DPP6: variants seen among roughly 807,000 people sequenced by gnomAD.
The protein encoded by DPP6 is dipeptidyl peptidase like 6, also known as A-type potassium channel modulatory protein DPP6.
Under a neutral mutation model 122.6 loss-of-function variants are expected in DPP6, and 69 were observed. That is an observed-to-expected ratio of 0.56 (90% CI 0.46 to 0.69). DPP6 has a LOEUF of 0.69. DPP6 is among the 30% of genes least tolerant of loss of function. The probability of loss-of-function intolerance (pLI) is 0.00; values close to 1 mark genes in which losing one functional copy is unlikely to be tolerated. For missense variants in DPP6, 928 were observed against 1,116.9 expected (o/e 0.83, Z 2.41); for synonymous variants, 418 against 433.1 (o/e 0.97, Z 0.43).
the DPP6 span, among the ~76,000 whole-genome samples, chr7:153,813,487 C>T: frequency 1.3e-5 from 2 of 152,086 alleles, no homozygotes; most frequent in African/African-American, 4.8e-5. Context: ...AATAAACATA[C>T]GTGTGCATGT....
At chr7:154,332,790 A>C (rs548710694) in intron 1 of DPP6, among the ~76,000 whole-genome samples, 2 of 152,048 alleles carry the variant, frequency 1.3e-5, no homozygotes, top group Non-Finnish European at 2.9e-5. Flanking sequence ...TCTAGGAATA[A>C]TTTTTCTGCG....
chr7:154,229,683 C>A (rs1800805540), intron 1 of DPP6, among the ~76,000 whole-genome samples: 1 of 152,096 alleles, frequency 6.6e-6, no homozygotes, highest in African/African-American at 2.4e-5. Context: ...TATAAAGCAT[C>A]AATTATTACA....
intron 1 of DPP6, chr7:154,305,489 C>CA (rs1484296696): frequency 1.2e-6 from 2 of 1,600,428 alleles, no homozygotes; most frequent in East Asian, 4.5e-5. Context: ...AGCGCCTGGA[C>CA]AGACCATGAC....
At chr7:154,251,985 A>G (rs1802376526) in intron 1 of DPP6, among the ~76,000 whole-genome samples, 1 of 152,224 alleles carries the variant, frequency 6.6e-6, no homozygotes, top group South Asian at 2.1e-4. Flanking sequence ...TCATTTACAG[A>G]TGGAAATAGT....
At chr7:154,843,240 T>C (rs2150555911) in intron 16 of DPP6, among the ~76,000 whole-genome samples, 1 of 152,330 alleles carries the variant, frequency 6.6e-6, no homozygotes, top group East Asian at 1.9e-4. Context: ...AAGTAGAGGT[T>C]GCAGTGAGCC....
intron 1 of DPP6, among the ~76,000 whole-genome samples, chr7:154,364,105 C>T (rs1034869170): frequency 4.0e-4 from 61 of 152,058 alleles, no homozygotes; most frequent in African/African-American, 1.4e-3. Context: ...TGAAGACCCA[C>T]CATTAAATAT....
intron 1 of DPP6, among the ~76,000 whole-genome samples, chr7:153,888,705 CTTTTTT>C (rs142238331): frequency 7.8e-5 from 6 of 76,982 alleles, no homozygotes; most frequent in South Asian, 9.2e-4. Context: ...CTGGCTGGCA[CTTTTTT>C]TTTTTTTTTT....
the DPP6 span, among the ~76,000 whole-genome samples, chr7:153,799,517 A>G: frequency 6.6e-6 from 1 of 152,138 alleles, no homozygotes; most frequent in African/African-American, 2.4e-5. Context: ...CACCGCCTCC[A>G]TGTACACACC....
chr7:154,694,237 C>T (rs557694654), intron 7 of DPP6, among the ~76,000 whole-genome samples: 1 of 152,284 alleles, frequency 6.6e-6, no homozygotes, highest in Non-Finnish European at 1.5e-5. Context: ...GACCTCACTT[C>T]CTAATACCAT....
chr7:154,769,192 T>C (rs971260683), intron 8 of DPP6, among the ~76,000 whole-genome samples: 1 of 152,184 alleles, frequency 6.6e-6, no homozygotes, highest in Admixed American at 6.5e-5. Flanking sequence ...CTTTGGTTAA[T>C]GGGGTTTTCC....
intron 1 of DPP6, among the ~76,000 whole-genome samples, chr7:154,424,385 G>A (rs1426217936): frequency 5.3e-5 from 8 of 152,182 alleles, no homozygotes; most frequent in Non-Finnish European, 1.0e-4. Flanking sequence ...TGTCTGCAGG[G>A]CTAATTCCTT....
chr7:153,883,478 G>A (rs1216365428), upstream of DPP6, among the ~76,000 whole-genome samples: 3 of 152,096 alleles, frequency 2.0e-5, no homozygotes, highest in Non-Finnish European at 2.9e-5. Context: ...CGCCTCCCGG[G>A]TTCAAGCAAT....
intron 1 of DPP6, among the ~76,000 whole-genome samples, chr7:154,130,871 G>A (rs535893897): frequency 4.9e-4 from 74 of 152,224 alleles, no homozygotes; most frequent in Admixed American, 1.3e-3. Flanking sequence ...AAACAACTAC[G>A]GAGCAGATCA....
chr7:154,036,196 C>T lies in DPP6; in HGVS notation c.51+148462C>T, dbSNP rs554851277. ...TGTGATCTCAGTGTACTGCAACCTC[C>T]GCCTCACAGGTTCAAATGATTCTCC... On this transcript the variant is annotated intron_variant, in intron 1 of 25. Transcript: ENST00000404039. 1.3e-4 allele frequency among the ~76,000 whole-genome samples: 19 copies of T among 151,026 alleles called. 1 individual carries two copies. In the East Asian group the frequency reaches 1.6e-3, roughly 12 times the overall value.
chr7:154,536,110 G>A (rs1206464231), intron 3 of DPP6, among the ~76,000 whole-genome samples: 1 of 152,138 alleles, frequency 6.6e-6, no homozygotes, highest in East Asian at 1.9e-4. Flanking sequence ...CTCCTTTGTA[G>A]TATAAGGGAA....
At position 154,029,963 on chromosome 7, in the gene DPP6, A is replaced by AG. The variant is rs796436277; in HGVS notation, c.51+142235dup. On this transcript the variant is annotated intron_variant, in intron 1 of 25. Coordinates refer to the DPP6 transcript ENST00000404039. ...GTAATCCCAGCACTTTGGGAAGCTG[A>AG]GGGGGGCAGATCACTTGAGGCCAGG... is the stretch of plus-strand genomic sequence containing the variant. 6.0e-4 allele frequency among the ~76,000 whole-genome samples: 91 copies of AG among 152,310 alleles called. 2 individuals carry two copies. Among genetic ancestry groups the AG allele is most frequent in the African/African-American group, 2.0e-3 (85 of 41,576 alleles).
chr7:153,897,899 A>G (rs1051925265), intron 1 of DPP6, among the ~76,000 whole-genome samples: 3 of 152,204 alleles, frequency 2.0e-5, no homozygotes, highest in African/African-American at 7.2e-5. Flanking sequence ...TTTTTGAGCC[A>G]TTAGTGAACT....
intron 3 of DPP6, among the ~76,000 whole-genome samples, chr7:154,521,711 A>G (rs1037799531): frequency 6.6e-6 from 1 of 152,208 alleles, no homozygotes; most frequent in Non-Finnish European, 1.5e-5. Context: ...GTACTTATCA[A>G]TGTCATTACT....
In DPP6 at chr7:154,403,393, G is replaced by C. The variant is rs1378589131; in HGVS notation, c.244-42821G>C. ...GGGACATGGTGAGGACTGGAGTTGC[G>C]GTAGATGCCTCCTGGGTGTTGAAGA... On this transcript the variant is annotated intron_variant, in intron 1 of 25. Transcript: ENST00000377770. This position sits in a 1 kb window ranked among gnomAD's most constrained non-coding sequence, Gnocchi z 4.1. Among the ~76,000 whole-genome samples the C allele has an allele frequency of 6.6e-6, 1 of 152,190 alleles. No individual in the cohort carries two copies. The highest frequency in any genetic ancestry group is 1.5e-5 in the Non-Finnish European group (1 of 68,024).
Sources: allele counts gnomAD v4.1 joint callset (sites outside exome capture counted in the v4.1 genomes callset), GRCh38; gene constraint gnomAD v4.1.1; non-coding constraint Gnocchi (gnomAD v3.1); transcripts MANE v1.5; gene names NCBI Gene and HGNC (gene_info 2026-07-23, HGNC 2026-07-21).